Variants in C1orf226 observed in about 807,000 individuals in gnomAD.
The protein encoded by C1orf226 is uncharacterized protein C1orf226.
In C1orf226, 4 loss-of-function variants were observed where a neutral mutation model predicts 10.5. The observed-to-expected ratio is 0.38, with a 90% confidence interval of 0.19 to 0.87. The LOEUF (loss-of-function observed/expected upper bound fraction) is 0.87, where lower values mean the gene tolerates loss of function less well. Among genes scored for constraint, C1orf226 ranks in the 40% least tolerant of loss-of-function variants. The pLI is 0.41. For missense variants in C1orf226, 313 were observed against 336.2 expected, an observed-to-expected ratio of 0.93 and a Z score of 0.54; for synonymous variants, 125 against 139.3, an observed-to-expected ratio of 0.90 and a Z score of 0.72.
intron 1 of C1orf226, among the ~76,000 whole-genome samples, chr1:162,382,777 G>A (rs1647961827): frequency 6.6e-6 from 1 of 152,198 alleles, no homozygotes; most frequent in African/African-American, 2.4e-5. Flanking sequence ...CCCTGTAGCA[G>A]CCCTCCTGTT....
chr1:162,383,153 A>G, intron 1 of C1orf226, 29 bp from the exon 2 acceptor site: 7 of 1,528,770 alleles, frequency 4.6e-6, no homozygotes, highest in Non-Finnish European at 6.2e-6. Context: ...TCCTTAAGGC[A>G]TGTGTGTTTA....
At chr1:162,381,109 T>G (rs1237052501), upstream of C1orf226, among the ~76,000 whole-genome samples, 1 of 152,204 alleles carries the variant, frequency 6.6e-6, no homozygotes, top group Non-Finnish European at 1.5e-5. Flanking sequence ...AGGCCTGAGT[T>G]CTAGCTCCAG....
chr1:162,382,764 G>A (rs1647961101), intron 1 of C1orf226, among the ~76,000 whole-genome samples: 1 of 152,146 alleles, frequency 6.6e-6, no homozygotes, highest in African/African-American at 2.4e-5. Context: ...AGTGGGAGAA[G>A]CCCCCTGTAG....
In C1orf226 at chr1:162,385,184, C is replaced by T. The variant is rs1571265175; in HGVS notation, c.*1501C>T. On this transcript the variant is annotated 3_prime_UTR_variant, in exon 2 of 2. Coordinates refer to ENST00000458626, the MANE Select transcript of C1orf226 (RefSeq NM_001085375.2). Reference sequence around the variant, plus strand: ...CCTCCTCCTGGGATTCCTGTGGCCTCCCCTGTTCTATTCATTGTTTGGCTT... The same window carrying T: ...CCTCCTCCTGGGATTCCTGTGGCCTTCCCTGTTCTATTCATTGTTTGGCTT... The T allele has an allele frequency of 6.6e-6, 1 of 152,648 alleles. No individual in the cohort carries two copies. The highest frequency in any genetic ancestry group is 2.1e-4 in the South Asian group (1 of 4,832). 9.5% of individuals were successfully genotyped at this position (152,648 alleles called of 1,614,324 possible). A position where few individuals can be genotyped will look rare whatever the true frequency, so the allele number is the denominator to read the frequency against.
At position 162,383,679 on chromosome 1, in the gene C1orf226, A is replaced by C; in HGVS notation, c.815A>C (p.Glu272Ala). The change falls in exon 2 of 2, where the codon GAA becomes GCA. Residue 272 changes from glutamate (E) to alanine (A), a missense_variant. Transcript: ENST00000458626. ...EGPHPDLLSFE is the reference protein window; with the variant it reads ...EGPHPDLLSFA ...CCTCACCCAGACCTGCTGTCCTTTG[A>C]ATAGAGCCTCTGCTCTTTCCTGCTG... The C allele has an allele frequency of 6.3e-7, 1 of 1,596,512 alleles. No homozygotes were observed.
rs773055379 is a variant in C1orf226, at chr1:162,382,017, G to C, written c.116G>C (p.Gly39Ala). The C allele has an allele frequency of 1.6e-5, 26 of 1,612,246 alleles. No homozygotes were observed. The South Asian group carries it at 2.7e-4, about 17-fold the overall frequency. Residue 39 changes from glycine to alanine, a missense_variant, in exon 1 of 2, where the codon GGG becomes GCG. Physicochemically the swap from Gly to Ala is moderately conservative, Grantham distance 60. Transcript: ENST00000458626. ...GSAPLGSGEP[G>A]GPGLWVGSSQ... is the part of the protein sequence containing the mutation. ...GCCCCTCTGGGCTCTGGTGAGCCTG[G>C]GGGGCCAGGACTCTGGGTGGGCAGC...
chr1:162,379,064 C>T, upstream of C1orf226: 2 of 1,403,888 alleles, frequency 1.4e-6, no homozygotes, highest in South Asian at 1.2e-5. Context: ...GGATGACTTA[C>T]ATCCCCAGAT....
In C1orf226 at chr1:162,382,184, G is replaced by A. The variant is rs1453301933; in HGVS notation, c.283G>A (p.Asp95Asn). ...TAGAQLASGT[D>N]AAPEAWLEDE... ...AGGAGCACAGCTGGCCAGTGGGACT[G>A]ACGCGGCTCCAGAGGCTTGGCTAGA... Residue 95 changes from aspartate to asparagine, a missense_variant, in exon 1 of 2, where the codon GAC (aspartate) becomes AAC (asparagine). Asp to Asn is a conservative substitution (Grantham distance 23). Transcript: ENST00000458626. 4 of 1,585,606 alleles carry A rather than the reference G, an allele frequency of 2.5e-6. No individual in the cohort carries two copies. Among genetic ancestry groups the A allele is most frequent in the East Asian group, 2.3e-5 (1 of 43,296 alleles).
rs1420619285 is a variant in C1orf226, at chr1:162,383,413, A to G, written c.549A>G (p.Arg183=). 6.3e-7 allele frequency: 1 copy of G among 1,590,586 alleles called. No individual in the cohort carries two copies. Among genetic ancestry groups the G allele is most frequent in the African/African-American group, 1.3e-5 (1 of 74,498 alleles). Residue 183 remains arginine, a synonymous_variant, in exon 2 of 2, where the codon AGA becomes AGG. Coordinates refer to ENST00000458626, the MANE Select transcript of C1orf226 (RefSeq NM_001085375.2). ...CACAGCCAGAGGCCACCATGGAAAGAGAAGAGAGAGGCAAAGTTCTGCCCA... is the reference window on the plus strand; with the variant it reads ...CACAGCCAGAGGCCACCATGGAAAGGGAAGAGAGAGGCAAAGTTCTGCCCA... The part of the protein sequence containing the change: ...DASQPEATME[R]EERGKVLPNG...
upstream of C1orf226, among the ~76,000 whole-genome samples, chr1:162,380,504 C>A (rs6695553): frequency 1.3e-5 from 2 of 152,048 alleles, no homozygotes; most frequent in African/African-American, 2.4e-5. Context: ...CACCCTAACC[C>A]CAGTTACTCT....
In C1orf226 at chr1:162,385,665, G is replaced by A. The variant is rs953819064; in HGVS notation, c.*1982G>A. 3 of 152,230 alleles carry A rather than the reference G, an allele frequency of 2.0e-5. No homozygotes were observed. The highest frequency in any genetic ancestry group is 7.2e-5 in the African/African-American group (3 of 41,438). The allele number at this position is 152,230 out of a possible 1,614,324, so 9.4% of individuals were successfully genotyped here. A position where few individuals can be genotyped will look rare whatever the true frequency, so the allele number is the denominator to read the frequency against. ...GGGTCCTTTGAGTGTTCCCAGAATG[G>A]TTTGGGGTATCACACAAAACACCAG... On this transcript the variant is annotated 3_prime_UTR_variant, in exon 2 of 2. Coordinates refer to ENST00000458626, the MANE Select transcript of C1orf226 (RefSeq NM_001085375.2).
chr1:162,383,378 G>T lies in C1orf226; in HGVS notation c.514G>T (p.Ala172Ser). The change falls in exon 2 of 2, where the codon GCA (alanine) becomes TCA (serine). Residue 172 changes from alanine (A) to serine (S), a missense_variant. Physicochemically the swap from Ala to Ser is moderately conservative, Grantham distance 99. Coordinates refer to ENST00000458626, the MANE Select transcript of C1orf226 (RefSeq NM_001085375.2). ...TCCCACTGCCCAGCCTGACGTCCCA[G>T]CAGACGCTTCACAGCCAGAGGCCAC... Reference protein sequence around the residue: ...SAPTAQPDVPADASQPEATME... With the variant: ...SAPTAQPDVPSDASQPEATME... The T allele has an allele frequency of 6.3e-7, 1 of 1,597,926 alleles. No homozygotes were observed. Among genetic ancestry groups the T allele is most frequent in the East Asian group, 2.3e-5 (1 of 44,008 alleles).
chr1:162,382,962 TG>T (rs1647967424), intron 1 of C1orf226, among the ~76,000 whole-genome samples: 1 of 152,236 alleles, frequency 6.6e-6, no homozygotes, highest in Non-Finnish European at 1.5e-5. Context: ...CACTTTGTGC[TG>T]CTCTGAACAC....
rs2101847916 is a variant in C1orf226, at chr1:162,383,299, C to G, written c.435C>G (p.Leu145=). The change falls in exon 2 of 2, where the codon CTC becomes CTG. Residue 145 remains leucine (L), a synonymous_variant. Transcript: ENST00000458626. The part of the protein sequence containing the change: ...QDMLISSQPV[L]SSLEYGTEPS... ...TGCTGATTTCATCACAGCCTGTCCT[C>G]AGCAGTCTGGAGTATGGGACAGAGC... 1 of 1,613,494 alleles carries G rather than the reference C, an allele frequency of 6.2e-7. No individual in the cohort carries two copies. The highest frequency in any genetic ancestry group is 1.1e-5 in the South Asian group (1 of 90,960).
Position 162,381,874 on chromosome 1 carries a change from C to T in C1orf226, c.-28C>T, listed in dbSNP as rs762537286. 38 of 1,609,552 alleles carry T rather than the reference C, an allele frequency of 2.4e-5. No homozygotes were observed. Among genetic ancestry groups the T allele is most frequent in the African/African-American group, 1.1e-4 (8 of 74,624 alleles). On this transcript the variant is annotated 5_prime_UTR_variant, in exon 1 of 2. Coordinates refer to ENST00000458626, the MANE Select transcript of C1orf226 (RefSeq NM_001085375.2). ...CCCTTTCCTCATCATGCCTCTCTGT[C>T]GCCTCTTTGTTCATAGTTGACCACG...
chr1:162,382,288 G>T (rs1647943417), intron 1 of C1orf226, 70 bp downstream of exon 1: 1 of 1,506,856 alleles, frequency 6.6e-7, no homozygotes. Flanking sequence ...GGGACAAACT[G>T]CAGTGTCTGC....
At position 162,385,013 on chromosome 1, in the gene C1orf226, G is replaced by C. The variant is rs3738393; in HGVS notation, c.*1330G>C. The stretch of plus-strand genomic sequence containing the variant: ...CAGGGGCCTATTGTGCTGTCTTCCT[G>C]TGACCAGCAGATCCTGTAAGGGGGT... On this transcript the variant is annotated 3_prime_UTR_variant, in exon 2 of 2. Transcript: ENST00000458626. 0.23 allele frequency: 34,362 copies of C among 152,672 alleles called. 4,453 individuals are homozygous for C. The highest frequency in any genetic ancestry group is 0.34 in the South Asian group (1,627 of 4,826). The allele number at this position is 152,672 out of a possible 1,614,324, so 9.5% of individuals were successfully genotyped here.
In C1orf226 at chr1:162,381,936, A is replaced by T; in HGVS notation, c.35A>T (p.Lys12Met). 1 of 1,612,824 alleles carries T rather than the reference A, an allele frequency of 6.2e-7. No homozygotes were observed. The highest frequency in any genetic ancestry group is 8.5e-7 in the Non-Finnish European group (1 of 1,179,874). ...AATTTGAACACAGCCCTCACTCCAAAGCTCCAGGCCAGCCGCTCCTTCCCC... is the reference window on the plus strand; with the variant it reads ...AATTTGAACACAGCCCTCACTCCAATGCTCCAGGCCAGCCGCTCCTTCCCC... ...FENLNTALTP[K>M]LQASRSFPHL... The change falls in exon 1 of 2, where the codon AAG becomes ATG. Residue 12 changes from lysine to methionine, a missense_variant. Physicochemically the swap from Lys to Met is moderately conservative, Grantham distance 95 (BLOSUM62 -1). Transcript: ENST00000458626.
upstream of C1orf226, chr1:162,381,632 A>G (rs1166650807): frequency 6.4e-6 from 8 of 1,246,196 alleles, no homozygotes; most frequent in Admixed American, 3.1e-4. Context: ...GCAGGTTTAC[A>G]GGAACAACTT....
Sources: gnomAD v4.1 joint callset for allele counts (sites outside exome capture counted in the v4.1 genomes callset) on GRCh38, gnomAD v4.1.1 for gene constraint, MANE v1.5 for transcripts, NCBI Gene and HGNC (gene_info 2026-07-23, HGNC 2026-07-21) for gene names.